The following FOXK1 variants were observed in gnomAD, a reference collection of about 807,000 sequenced individuals.
FOXK1 encodes forkhead box K1.
FOXK1 carries 19 observed loss-of-function variants against 51.9 expected under a neutral mutation model. The ratio of observed to expected loss-of-function variants is 0.37; its 90% CI spans 0.26 to 0.54. FOXK1 has a LOEUF of 0.54. Ranked by LOEUF, FOXK1 falls within the 20% of genes least tolerant of loss-of-function variation. The pLI is 0.87. For synonymous variants in FOXK1, 537 were observed against 482.6 expected (o/e 1.11, Z -1.48); for missense variants, 870 against 1,032.7 (o/e 0.84, Z 2.16).
At position 4,766,629 on chromosome 7, in the gene FOXK1, G is replaced by C. The variant is rs888961762; in HGVS notation, c.*4165G>C. The C allele has an allele frequency of 2.6e-5, 4 of 152,274 alleles. No individual in the cohort carries two copies. Among genetic ancestry groups the C allele is most frequent in the African/African-American group, 9.7e-5 (4 of 41,446 alleles). The allele number at this position is 152,274 out of a possible 1,614,324, so 9.4% of individuals were successfully genotyped here. Reference sequence around the variant, plus strand: ...TCTCAGGCAGGGAGGAGATGGATTCGGTGGAGTTGGGCCAGGACGGGGGCT... The same window carrying C: ...TCTCAGGCAGGGAGGAGATGGATTCCGTGGAGTTGGGCCAGGACGGGGGCT... On this transcript the variant is annotated 3_prime_UTR_variant, in exon 9 of 9. Coordinates refer to ENST00000328914, the MANE Select transcript of FOXK1 (RefSeq NM_001037165.2). This position sits in a 1 kb window ranked among gnomAD's most constrained non-coding sequence, Gnocchi z 5.5.
chr7:4,752,177 AG>A (rs1317809194), intron 2 of FOXK1, among the ~76,000 whole-genome samples: 1 of 152,248 alleles, frequency 6.6e-6, no homozygotes, highest in Non-Finnish European at 1.5e-5. Flanking sequence ...TTTTAGAGAC[AG>A]GGTCTTGCTC....
chr7:4,759,943 A>G (rs1038314402), intron 7 of FOXK1: 13 of 329,914 alleles, frequency 3.9e-5, no homozygotes, highest in Non-Finnish European at 6.1e-5. Context: ...AGGGAGGAGA[A>G]TCGCTTGAAG....
intron 1 of FOXK1, among the ~76,000 whole-genome samples, chr7:4,717,632 C>T (rs76705232): frequency 7.6e-4 from 116 of 152,266 alleles, no homozygotes; most frequent in Non-Finnish European, 1.4e-3. Context: ...GGAGGTACTC[C>T]ACCCTAGCCC....
At chr7:4,712,686 A>T (rs984064435) in intron 1 of FOXK1, among the ~76,000 whole-genome samples, 1 of 152,140 alleles carries the variant, frequency 6.6e-6, no homozygotes, top group East Asian at 1.9e-4. Flanking sequence ...TTACACCTCA[A>T]GGGTTTCCGA....
rs1781016494 is a variant in FOXK1, at chr7:4,766,763, GCAT to G, written c.*4303_*4305del. 6.6e-6 allele frequency: 1 copy of G among 152,228 alleles called. No homozygotes were observed. Among genetic ancestry groups the G allele is most frequent in the Non-Finnish European group, 1.5e-5 (1 of 68,058 alleles). The allele number at this position is 152,228 out of a possible 1,614,324, so 9.4% of individuals were successfully genotyped here. A position where few individuals can be genotyped will look rare whatever the true frequency, so the allele number is the denominator to read the frequency against. On this transcript the variant is annotated 3_prime_UTR_variant, in exon 9 of 9. Transcript: ENST00000328914. This position sits in a 1 kb window ranked among gnomAD's most constrained non-coding sequence, Gnocchi z 5.5. Reference sequence around the variant, plus strand: ...TTTCTGTACTGGTTTGAGATCACAGGCATCATTCAGCGAATGCTCTTGTGTCCT... The same window carrying G: ...TTTCTGTACTGGTTTGAGATCACAGGCATTCAGCGAATGCTCTTGTGTCCT...
In FOXK1 at chr7:4,748,206, G is replaced by T. The variant is rs142177422; in HGVS notation, c.747-6253G>T. 2.6e-5 allele frequency among the ~76,000 whole-genome samples: 4 copies of T among 151,940 alleles called. No individual in the cohort carries two copies. Among genetic ancestry groups the T allele is most frequent in the Non-Finnish European group, 5.9e-5 (4 of 68,014 alleles). Reference sequence around the variant, plus strand: ...GAAAGTGAAAATTCCCCCACACAACGCTCCCCAGAGCTGAGCCCTTCTCTC... The same window carrying T: ...GAAAGTGAAAATTCCCCCACACAACTCTCCCCAGAGCTGAGCCCTTCTCTC... On this transcript the variant is annotated intron_variant, in intron 2 of 8. Transcript: ENST00000328914. This position sits in a 1 kb window ranked among gnomAD's most constrained non-coding sequence, Gnocchi z 4.9.
chr7:4,683,857 G>A lies in FOXK1; in HGVS notation c.560+989G>A, dbSNP rs1779785184. Among the ~76,000 whole-genome samples the A allele has an allele frequency of 6.6e-6, 1 of 152,224 alleles. No homozygotes were observed. Among genetic ancestry groups the A allele is most frequent in the Non-Finnish European group, 1.5e-5 (1 of 68,044 alleles). ...GGTCCCTAGGAGTGTGGGCTGTGCT[G>A]AAGGAGCAGAGGCCTGGCGGGGAGG... On this transcript the variant is annotated intron_variant, in intron 1 of 8. Coordinates refer to ENST00000328914, the MANE Select transcript of FOXK1 (RefSeq NM_001037165.2). The surrounding 1 kb of genome is among the most constrained non-coding windows in gnomAD (Gnocchi z 4.5).
intron 2 of FOXK1, among the ~76,000 whole-genome samples, chr7:4,746,630 G>A (rs773906247): frequency 2.0e-5 from 3 of 152,220 alleles, no homozygotes; most frequent in Admixed American, 6.5e-5. Context: ...GGAGGCTGTG[G>A]CGAGCTATGA....
Position 4,763,686 on chromosome 7 carries a change from C to T in FOXK1, c.*1222C>T, listed in dbSNP as rs1483647661. On this transcript the variant is annotated 3_prime_UTR_variant, in exon 9 of 9. Transcript: ENST00000328914. ...CAGCCAGTTGGGTGGTTCTGGGGTC[C>T]CTGAGGAAGCCCCCTCCTGCACTTC... 1.3e-5 allele frequency: 2 copies of T among 152,286 alleles called. No individual in the cohort carries two copies. Among genetic ancestry groups the T allele is most frequent in the African/African-American group, 4.8e-5 (2 of 41,452 alleles). The allele number at this position is 152,286 out of a possible 1,614,324, so 9.4% of individuals were successfully genotyped here.
chr7:4,758,864 A>C lies in FOXK1; in HGVS notation c.1245-187A>C. On this transcript the variant is annotated intron_variant, in intron 5 of 8. Coordinates refer to ENST00000328914, the MANE Select transcript of FOXK1 (RefSeq NM_001037165.2). This position sits in a 1 kb window ranked among gnomAD's most constrained non-coding sequence, Gnocchi z 4.4. ...ACGGAGCCTCCCCCATGCAGCCCCCACTCAAATGGAGTTTTAAAGGCTGGG... is the reference window on the plus strand; with the variant it reads ...ACGGAGCCTCCCCCATGCAGCCCCCCCTCAAATGGAGTTTTAAAGGCTGGG... 1.6e-6 allele frequency: 1 copy of C among 616,284 alleles called. No homozygotes were observed. The allele number at this position is 616,284 out of a possible 1,614,324, so 38.2% of individuals were successfully genotyped here.
rs1780683867 is a variant in FOXK1, at chr7:4,745,038, G to A, written c.746+4015G>A. Reference sequence around the variant, plus strand: ...TTTTCAGTTTGAGTTTCTGCTGTAGGGTGGAGCCGGCGTGTTTACAAACAC... The same window carrying A: ...TTTTCAGTTTGAGTTTCTGCTGTAGAGTGGAGCCGGCGTGTTTACAAACAC... On this transcript the variant is annotated intron_variant, in intron 2 of 8. Coordinates refer to ENST00000328914, the MANE Select transcript of FOXK1 (RefSeq NM_001037165.2). The surrounding 1 kb of genome is among the most constrained non-coding windows in gnomAD (Gnocchi z 4.3). Among the ~76,000 whole-genome samples, 1 of 152,182 alleles carries A rather than the reference G, an allele frequency of 6.6e-6. No homozygotes were observed. The highest frequency in any genetic ancestry group is 1.5e-5 in the Non-Finnish European group (1 of 68,042).
intron 1 of FOXK1, among the ~76,000 whole-genome samples, chr7:4,704,172 C>T (rs553641010): frequency 3.7e-4 from 56 of 152,158 alleles, no homozygotes; most frequent in African/African-American, 1.3e-3. Context: ...CATCCCTGGC[C>T]GGGCGTGGTG....
At chr7:4,744,502 G>A (rs984589307) in intron 2 of FOXK1, among the ~76,000 whole-genome samples, 2 of 152,212 alleles carry the variant, frequency 1.3e-5, no homozygotes, top group African/African-American at 2.4e-5. Flanking sequence ...AAGAGCAGGC[G>A]CTGTGCGGTA....
Position 4,756,888 on chromosome 7 carries a change from G to T in FOXK1, c.1051-106G>T. 1.6e-6 allele frequency: 2 copies of T among 1,252,074 alleles called. No homozygotes were observed. The highest frequency in any genetic ancestry group is 2.2e-6 in the Non-Finnish European group (2 of 892,704). The allele number at this position is 1,252,074 out of a possible 1,614,324, so 77.6% of individuals were successfully genotyped here. A position where few individuals can be genotyped will look rare whatever the true frequency, so the allele number is the denominator to read the frequency against. ...ACAGCACCAAGGGCTCTGCACAGAG[G>T]GACGGCCTCCCCTCACCCTGGTCCC... On this transcript the variant is annotated intron_variant, in intron 4 of 8. Coordinates refer to ENST00000328914, the MANE Select transcript of FOXK1 (RefSeq NM_001037165.2). The surrounding 1 kb of genome is among the most constrained non-coding windows in gnomAD (Gnocchi z 4.1).
At chr7:4,708,915 A>G (rs1416317167) in intron 1 of FOXK1, among the ~76,000 whole-genome samples, 1 of 152,038 alleles carries the variant, frequency 6.6e-6, no homozygotes, top group African/African-American at 2.4e-5. Context: ...AAATACAGAA[A>G]TTAGCTGGGC....
In FOXK1 at chr7:4,707,641, G is replaced by A. The variant is rs1172633642; in HGVS notation, c.560+24773G>A. Among the ~76,000 whole-genome samples the A allele has an allele frequency of 6.6e-6, 1 of 151,756 alleles. No homozygotes were observed. Among genetic ancestry groups the A allele is most frequent in the African/African-American group, 2.4e-5 (1 of 41,204 alleles). On this transcript the variant is annotated intron_variant, in intron 1 of 8. Coordinates refer to ENST00000328914, the MANE Select transcript of FOXK1 (RefSeq NM_001037165.2). The surrounding 1 kb of genome is among the most constrained non-coding windows in gnomAD (Gnocchi z 4.1). ...GTCTTTGCAGTTGGCGTGTTCCCCG[G>A]TGCCATTCGTATCTGATTCATGCGT...
Position 4,725,272 on chromosome 7 carries a change from C to G in FOXK1, c.561-15566C>G, listed in dbSNP as rs6953535. Among the ~76,000 whole-genome samples the G allele has an allele frequency of 4.0e-3, 602 of 152,368 alleles. 3 individuals are homozygous for G. The highest frequency in any genetic ancestry group is 0.012 in the African/African-American group (499 of 41,592). On this transcript the variant is annotated intron_variant, in intron 1 of 8. Transcript: ENST00000328914. ...CTTTGGCCCAGGTGGCCGGAACGCC[C>G]CTTGGAGCACCGACGCCATCGGCTC...
At chr7:4,728,886 C>T (rs930644261) in intron 1 of FOXK1, among the ~76,000 whole-genome samples, 1 of 152,174 alleles carries the variant, frequency 6.6e-6, no homozygotes, top group South Asian at 2.1e-4. Context: ...GATAAACCAG[C>T]GTCTGGTACT....
At position 4,743,307 on chromosome 7, in the gene FOXK1, C is replaced by T. The variant is rs766630372; in HGVS notation, c.746+2284C>T. 2.0e-5 allele frequency among the ~76,000 whole-genome samples: 3 copies of T among 152,174 alleles called. No individual in the cohort carries two copies. Among genetic ancestry groups the T allele is most frequent in the Admixed American group, 6.5e-5 (1 of 15,276 alleles). On this transcript the variant is annotated intron_variant, in intron 2 of 8. Coordinates refer to ENST00000328914, the MANE Select transcript of FOXK1 (RefSeq NM_001037165.2). The surrounding 1 kb of genome is among the most constrained non-coding windows in gnomAD (Gnocchi z 5.3). ...GTGGCTCACACTGGTAATGCCAGCA[C>T]TGTGGGAGGCCAAGGCGGGTGGATC...
Sources: gnomAD v4.1 joint callset for allele counts (sites outside exome capture counted in the v4.1 genomes callset) on GRCh38, gnomAD v4.1.1 for gene constraint, Gnocchi (gnomAD v3.1) non-coding constraint, MANE v1.5 for transcripts, NCBI Gene and HGNC (gene_info 2026-07-23, HGNC 2026-07-21) for gene names.